MYO10: variants seen among roughly 807,000 people sequenced by gnomAD.
MYO10 encodes the protein myosin X.
In MYO10, 133 loss-of-function variants were observed where a neutral mutation model predicts 257.3. That is an observed-to-expected ratio of 0.52 (90% confidence interval 0.45 to 0.60). The LOEUF (loss-of-function observed/expected upper bound fraction) is 0.60, where lower values mean the gene tolerates loss of function less well. Among genes scored for constraint, MYO10 ranks in the 20% least tolerant of loss-of-function variants. The probability of loss-of-function intolerance (pLI) is 0.00; values close to 1 mark genes in which losing one functional copy is unlikely to be tolerated. For synonymous variants in MYO10, 1,104 were observed against 1,028.6 expected, an observed-to-expected ratio of 1.07 and a Z score of -1.40; for missense variants, 2,399 against 2,635.7, an observed-to-expected ratio of 0.91 and a Z score of 1.97.
At chr5:16,858,938 A>G (rs953808964) in intron 2 of MYO10, among the ~76,000 whole-genome samples, 1 of 152,154 alleles carries the variant, frequency 6.6e-6, no homozygotes, top group African/African-American at 2.4e-5. Flanking sequence ...AGCATGGACA[A>G]CAGAGCAAGA....
intron 1 of MYO10, among the ~76,000 whole-genome samples, chr5:16,929,038 C>T (rs1031265323): frequency 3.3e-5 from 5 of 151,344 alleles, no homozygotes; most frequent in African/African-American, 4.8e-5. Context: ...CTGCAAGCTC[C>T]GCCTCCTGGG....
Position 16,670,563 on chromosome 5 carries a change from T to C in MYO10, c.5846A>G (p.Glu1949Gly). 6.2e-7 allele frequency: 1 copy of C among 1,613,722 alleles called. No homozygotes were observed. The highest frequency in any genetic ancestry group is 8.5e-7 in the Non-Finnish European group (1 of 1,179,720). The change falls in exon 39 of 41, where the codon GAG (glutamate) becomes GGG (glycine). Residue 1949 changes from glutamate to glycine, a missense_variant. By Grantham distance (98) the Glu-to-Gly change is moderately conservative (BLOSUM62 -2). This residue lies in a region of MYO10 where 1,820 missense variants were observed against 1,939.4 expected (regional missense o/e 0.94). Transcript: ENST00000513610. ...AMAKYMALIKEWPGYGSTLFD... is the reference protein window; with the variant it reads ...AMAKYMALIKGWPGYGSTLFD... Reference sequence around the variant, plus strand: ...CAGCGTCGAGCCATAGCCAGGCCACTCCTTGATCAAGGCCATGTACTTGGC... The same window carrying C: ...CAGCGTCGAGCCATAGCCAGGCCACCCCTTGATCAAGGCCATGTACTTGGC...
intron 1 of MYO10, among the ~76,000 whole-genome samples, chr5:16,929,681 A>G (rs1201835887): frequency 6.6e-6 from 1 of 152,230 alleles, no homozygotes; most frequent in Non-Finnish European, 1.5e-5. Context: ...TGCCTGGCAC[A>G]TGGTAAGTAC....
intron 2 of MYO10, among the ~76,000 whole-genome samples, chr5:16,858,886 A>C (rs1177789612): frequency 2.0e-5 from 3 of 152,070 alleles, no homozygotes; most frequent in Admixed American, 2.0e-4. Flanking sequence ...TGAACCCGGG[A>C]GGTGGAGGTG....
At chr5:16,779,756 A>T in intron 8 of MYO10, 108 bp from the exon 9 acceptor site, 1 of 638,684 alleles carries the variant, frequency 1.6e-6, no homozygotes, top group Non-Finnish European at 2.7e-6. Flanking sequence ...TGCTCTTAAC[A>T]GTCTCCCATA....
intron 1 of MYO10, among the ~76,000 whole-genome samples, chr5:16,917,278 C>T (rs1745849353): frequency 6.6e-6 from 1 of 152,108 alleles, no homozygotes; most frequent in African/African-American, 2.4e-5. Flanking sequence ...TTAGAAAATG[C>T]AGCATATTAA....
chr5:16,848,633 G>A (rs1325685583), intron 2 of MYO10, among the ~76,000 whole-genome samples: 1 of 151,766 alleles, frequency 6.6e-6, no homozygotes, highest in African/African-American at 2.4e-5. Context: ...AACGCTCGTC[G>A]TTATGGCTGC....
At chr5:16,909,007 CTTGGACA>C (rs1745586389) in intron 1 of MYO10, among the ~76,000 whole-genome samples, 1 of 152,176 alleles carries the variant, frequency 6.6e-6, no homozygotes, top group African/African-American at 2.4e-5. Flanking sequence ...GGTGCTATGT[CTTGGACA>C]TTGTATTAGT....
chr5:16,856,097 C>T (rs758145097), intron 2 of MYO10, among the ~76,000 whole-genome samples: 10 of 152,198 alleles, frequency 6.6e-5, no homozygotes, highest in African/African-American at 1.4e-4. Flanking sequence ...AGATTGCACA[C>T]GCCTGCATTC....
At chr5:16,691,425 G>A (rs934643401) in intron 27 of MYO10, among the ~76,000 whole-genome samples, 2 of 152,028 alleles carry the variant, frequency 1.3e-5, no homozygotes, top group African/African-American at 4.8e-5. Context: ...AGGGCCGGGC[G>A]TGGCGGCTCA....
chr5:16,878,128 A>G (rs7711618), intron 1 of MYO10, among the ~76,000 whole-genome samples: 26,363 of 152,168 alleles, frequency 0.17, 2,643 homozygotes, highest in Admixed American at 0.28. Flanking sequence ...TCCAGAAACC[A>G]GAAGTTTAAC....
chr5:16,935,960 T>A lies in MYO10; in HGVS notation c.-152A>T, dbSNP rs1033215610. ...CTGCTGCCATCGCCCGGTCCCTTCT[T>A]GTCCTTCTCACCTTTTGTTCGCCCA... On this transcript the variant is annotated 5_prime_UTR_variant, in exon 1 of 41. Coordinates refer to ENST00000513610, the MANE Select transcript of MYO10 (RefSeq NM_012334.3). 1.2e-5 allele frequency: 11 copies of A among 886,782 alleles called. No individual in the cohort carries two copies. Among genetic ancestry groups the A allele is most frequent in the Admixed American group, 9.2e-5 (4 of 43,274 alleles). The allele number at this position is 886,782 out of a possible 1,614,324, so 54.9% of individuals were successfully genotyped here.
intron 1 of MYO10, among the ~76,000 whole-genome samples, chr5:16,918,495 C>CTT (rs1422704020): frequency 1.0e-4 from 9 of 87,258 alleles, no homozygotes; most frequent in African/African-American, 3.9e-4. Flanking sequence ...AACTATTTTT[C>CTT]TTTTCTTTTT....
intron 4 of MYO10, among the ~76,000 whole-genome samples, chr5:16,791,133 T>C (rs912823458): frequency 3.3e-5 from 5 of 152,004 alleles, no homozygotes; most frequent in African/African-American, 4.8e-5. Context: ...GAGAGAAAAA[T>C]TGATCTATGA....
intron 2 of MYO10, among the ~76,000 whole-genome samples, chr5:16,833,301 C>G (rs190139884): frequency 2.3e-4 from 35 of 151,742 alleles, no homozygotes; most frequent in African/African-American, 8.2e-4. Flanking sequence ...GCAACCTCCG[C>G]CTCCCAGGCT....
chr5:16,711,120 C>T lies in MYO10; in HGVS notation c.2054+1G>A. 1 of 1,613,888 alleles carries T rather than the reference C, an allele frequency of 6.2e-7. No individual in the cohort carries two copies. The highest frequency in any genetic ancestry group is 8.5e-7 in the Non-Finnish European group (1 of 1,179,806). ...GAGAATCCAATTCAGCTCCCTCTTG[C>T]CTTTTGTAAAAGTCCTGAAAGGGTC... On this transcript the variant is annotated splice_donor_variant, in intron 20 of 40. Coordinates refer to ENST00000513610, the MANE Select transcript of MYO10 (RefSeq NM_012334.3). LOFTEE classifies it high-confidence loss of function.
At chr5:16,795,490 A>G (rs1240496973) in intron 3 of MYO10, among the ~76,000 whole-genome samples, 1 of 152,024 alleles carries the variant, frequency 6.6e-6, no homozygotes, top group Non-Finnish European at 1.5e-5. Context: ...TGTAATCCCT[A>G]CACAGGAGGC....
At chr5:16,768,923 G>C in intron 10 of MYO10, 151 bp downstream of exon 10, 1 of 934,304 alleles carries the variant, frequency 1.1e-6, no homozygotes, top group Non-Finnish European at 1.5e-6. Flanking sequence ...CAATCTGCCC[G>C]CCTCCACCTC....
chr5:16,787,032 G>A (rs2052838), intron 4 of MYO10, among the ~76,000 whole-genome samples: 107,521 of 152,002 alleles, frequency 0.71, 39,490 homozygotes, highest in Non-Finnish European at 0.82. Context: ...AGCCAGGCAT[G>A]GTAGCGGGTG....
Sources: allele counts gnomAD v4.1 joint callset (sites outside exome capture counted in the v4.1 genomes callset), GRCh38; gene constraint gnomAD v4.1.1; regional missense constraint gnomAD v4.1.1; transcripts MANE v1.5; gene names NCBI Gene and HGNC (gene_info 2026-07-23, HGNC 2026-07-21).